KDM4C: variants seen among roughly 807,000 people sequenced by gnomAD.
The protein encoded by KDM4C is lysine-specific demethylase 4C.
Under a neutral mutation model 129.3 loss-of-function variants are expected in KDM4C, and 81 were observed. That is an observed-to-expected ratio of 0.63 (90% CI 0.52 to 0.75). KDM4C has a LOEUF of 0.75. Ranked by LOEUF, KDM4C falls within the 30% of genes least tolerant of loss-of-function variation. The pLI is 0.00. For missense variants in KDM4C, 1,457 were observed against 1,304.0 expected (o/e 1.12, Z -1.81); for synonymous variants, 573 against 456.1 (o/e 1.26, Z -3.26).
intron 15 of KDM4C, among the ~76,000 whole-genome samples, chr9:7,044,269 C>G (rs1173024197): frequency 1.3e-5 from 2 of 151,908 alleles, no homozygotes; most frequent in Non-Finnish European, 2.9e-5. Context: ...CGCAGGCTGG[C>G]TCTAAAGTGT....
At chr9:7,040,813 T>C (rs1003917179) in intron 15 of KDM4C, among the ~76,000 whole-genome samples, 4 of 151,950 alleles carry the variant, frequency 2.6e-5, no homozygotes, top group African/African-American at 9.7e-5. Context: ...TTAAGATATG[T>C]TCTTTTTATT....
intron 1 of KDM4C, among the ~76,000 whole-genome samples, chr9:6,746,084 G>A (rs1817861816): frequency 6.6e-6 from 1 of 151,790 alleles, no homozygotes; most frequent in Non-Finnish European, 1.5e-5. Flanking sequence ...GGGATTACAG[G>A]CATGAGCCAC....
At chr9:7,120,199 A>AT (rs2133285443) in intron 18 of KDM4C, among the ~76,000 whole-genome samples, 1 of 151,996 alleles carries the variant, frequency 6.6e-6, no homozygotes, top group South Asian at 2.1e-4. Flanking sequence ...CTAACTTTAA[A>AT]TTTTTTTAAG....
chr9:6,838,858 C>G (rs947824330), intron 4 of KDM4C, among the ~76,000 whole-genome samples: 3 of 152,078 alleles, frequency 2.0e-5, no homozygotes, highest in South Asian at 4.1e-4. Context: ...GTGTAAAGAT[C>G]CAGGGAAATC....
intron 19 of KDM4C, among the ~76,000 whole-genome samples, chr9:7,145,963 C>G (rs1327795355): frequency 6.6e-6 from 1 of 152,234 alleles, no homozygotes; most frequent in Non-Finnish European, 1.5e-5. Flanking sequence ...GGTGTGGAAA[C>G]ACAGTGCCCC....
intron 4 of KDM4C, chr9:6,818,941 T>G (rs1300001810): frequency 6.6e-6 from 1 of 152,178 alleles, no homozygotes; most frequent in African/African-American, 2.4e-5. Context: ...TTGTACTTTC[T>G]CCATAGTTTC....
intron 12 of KDM4C, among the ~76,000 whole-genome samples, chr9:6,996,419 A>G (rs1333912687): frequency 1.3e-5 from 2 of 152,210 alleles, no homozygotes; most frequent in Non-Finnish European, 2.9e-5. Context: ...TTTGTTTCCC[A>G]ACATTTCTTA....
chr9:7,078,311 T>C (rs1183663134), intron 17 of KDM4C, among the ~76,000 whole-genome samples: 2 of 151,998 alleles, frequency 1.3e-5, no homozygotes, highest in African/African-American at 4.8e-5. Context: ...AACACCATAG[T>C]TTTTTATATA....
chr9:6,826,594 G>C (rs893062243), intron 4 of KDM4C, among the ~76,000 whole-genome samples: 2 of 152,060 alleles, frequency 1.3e-5, no homozygotes, highest in African/African-American at 4.8e-5. Context: ...GGCCGGGCGC[G>C]GTGGCTTATG....
chr9:6,839,838 G>T (rs939924299), intron 4 of KDM4C, among the ~76,000 whole-genome samples: 5 of 152,048 alleles, frequency 3.3e-5, no homozygotes, highest in Non-Finnish European at 7.4e-5. Flanking sequence ...GGGAGGTGGA[G>T]GTTGCAGTGA....
At chr9:6,796,990 TA>T (rs1450478007) in intron 2 of KDM4C, among the ~76,000 whole-genome samples, 4 of 115,120 alleles carry the variant, frequency 3.5e-5, no homozygotes, top group African/African-American at 1.2e-4. Flanking sequence ...GTTAATGCAC[TA>T]TTTTTTTTTT....
chr9:6,867,602 CA>C (rs1842240655), intron 5 of KDM4C, among the ~76,000 whole-genome samples: 1 of 152,182 alleles, frequency 6.6e-6, no homozygotes, highest in Admixed American at 6.5e-5. Flanking sequence ...CTCGAAATGG[CA>C]TCTTTCCCTG....
rs61562446 is a variant in KDM4C at position 6,828,874 on chromosome 9, G to GA, written c.435+14139dup. 2.1e-3 allele frequency among the ~76,000 whole-genome samples: 317 copies of GA among 150,924 alleles called. 2 individuals are homozygous for GA. Among genetic ancestry groups the GA allele is most frequent in the African/African-American group, 7.1e-3 (294 of 41,248 alleles). The stretch of plus-strand genomic sequence containing the variant: ...CAACAAGATCGAAACTCCGTCTCAA[G>GA]AAAAAAAAAATTGGGTTGGATAGGA... On this transcript the variant is annotated intron_variant, in intron 4 of 21. Transcript: ENST00000381309.
In KDM4C at chr9:7,107,604, A is replaced by G. The variant is rs140605417; in HGVS notation, c.2610+3734A>G. 1.1e-3 allele frequency among the ~76,000 whole-genome samples: 173 copies of G among 152,314 alleles called. 1 individual carries two copies. Among genetic ancestry groups the G allele is most frequent in the African/African-American group, 3.9e-3 (161 of 41,570 alleles). ...TCACTGCAATGAACATGGCCTCTTTATACATCTTATATGAGGTACATAGTG... is the reference window on the plus strand; with the variant it reads ...TCACTGCAATGAACATGGCCTCTTTGTACATCTTATATGAGGTACATAGTG... On this transcript the variant is annotated intron_variant, in intron 18 of 21. Transcript: ENST00000381309.
intron 9 of KDM4C, chr9:6,981,977 T>C (rs962682141): frequency 1.9e-5 from 3 of 158,538 alleles, no homozygotes; most frequent in Non-Finnish European, 4.4e-5. Context: ...CCTTTACCTA[T>C]ATATTTATTA....
At chr9:6,748,049 G>A (rs1400776974) in intron 1 of KDM4C, among the ~76,000 whole-genome samples, 1 of 151,914 alleles carries the variant, frequency 6.6e-6, no homozygotes, top group Non-Finnish European at 1.5e-5. Flanking sequence ...GTGGTGGCAT[G>A]CGCCTATGAG....
At position 7,015,871 on chromosome 9, in the gene KDM4C, C is replaced by G; in HGVS notation, c.2201C>G (p.Ser734Cys). Residue 734 changes from serine to cysteine, a missense_variant, in exon 15 of 22, where the codon TCT becomes TGT. Ser to Cys is a moderately radical substitution (Grantham distance 112). Transcript: ENST00000381309. ...RVHASCYGIPSHEICDGWLCA... is the reference protein window; with the variant it reads ...RVHASCYGIPCHEICDGWLCA... ...TTTATAGGTTGTTATGGTATTCCTT[C>G]TCATGAGATCTGTGATGGATGGCTG... The G allele has an allele frequency of 6.2e-7, 1 of 1,612,170 alleles. No homozygotes were observed. The highest frequency in any genetic ancestry group is 8.5e-7 in the Non-Finnish European group (1 of 1,178,460).
intron 17 of KDM4C, among the ~76,000 whole-genome samples, chr9:7,050,453 A>AAAAAAAAAAAAAAAAAAAAAAC: frequency 6.6e-6 from 1 of 150,778 alleles, no homozygotes; most frequent in Non-Finnish European, 1.5e-5. Flanking sequence ...AAAAAAAAAA[A>AAAAAAAAAAAAAAAAAAAAAAC]AAGACACCAA....
chr9:6,885,200 C>T (rs1166085171), intron 6 of KDM4C, among the ~76,000 whole-genome samples: 1 of 152,224 alleles, frequency 6.6e-6, no homozygotes, highest in African/African-American at 2.4e-5. Flanking sequence ...CCTTCCCTGT[C>T]ACCCACTAAT....
Sources: allele counts gnomAD v4.1 joint callset (sites outside exome capture counted in the v4.1 genomes callset), GRCh38; gene constraint gnomAD v4.1.1; transcripts MANE v1.5; gene names NCBI Gene and HGNC (gene_info 2026-07-23, HGNC 2026-07-21).